Variants in TRIM33 observed in about 807,000 individuals in gnomAD.
The protein encoded by TRIM33 is tripartite motif containing 33, also known as E3 ubiquitin-protein ligase TRIM33.
In TRIM33, 20 loss-of-function variants were observed where a neutral mutation model predicts 125.4. The observed-to-expected ratio is 0.16, with a 90% confidence interval of 0.11 to 0.23. TRIM33 has a LOEUF of 0.23. Ranked by LOEUF, TRIM33 falls within the 10% of genes least tolerant of loss-of-function variation. The pLI, the probability that TRIM33 is intolerant of heterozygous loss-of-function variation, is 1.00. For synonymous variants in TRIM33, 564 were observed against 513.9 expected (o/e 1.10, Z -1.32); for missense variants, 920 against 1,411.4 (o/e 0.65, Z 5.58).
intron 4 of TRIM33, among the ~76,000 whole-genome samples, chr1:114,450,953 C>T (rs1189405058): frequency 2.6e-5 from 4 of 152,038 alleles, no homozygotes; most frequent in African/African-American, 9.7e-5. Context: ...TGCTGGAACT[C>T]GTAATTTTTT....
At chr1:114,490,686 A>G (rs933344263) in intron 1 of TRIM33, 3 of 152,206 alleles carry the variant, frequency 2.0e-5, no homozygotes, top group Admixed American at 6.5e-5. Flanking sequence ...ATAGCCATAA[A>G]AGAGTATATT....
chr1:114,478,156 A>T (rs139239982), intron 1 of TRIM33, among the ~76,000 whole-genome samples: 67 of 152,356 alleles, frequency 4.4e-4, no homozygotes, highest in African/African-American at 1.5e-3. Context: ...TTCAGGTAAA[A>T]GCAATGAAAG....
chr1:114,488,208 CCATA>C (rs1328182587), intron 1 of TRIM33, among the ~76,000 whole-genome samples: 1 of 152,034 alleles, frequency 6.6e-6, no homozygotes. Context: ...CACAAAACCA[CCATA>C]AATAAAGACG....
At chr1:114,413,934 G>T (rs888753872) in intron 11 of TRIM33, among the ~76,000 whole-genome samples, 1 of 151,842 alleles carries the variant, frequency 6.6e-6, no homozygotes, top group Non-Finnish European at 1.5e-5. Flanking sequence ...TACTGGGACA[G>T]AAGGATCCCT....
At position 114,510,799 on chromosome 1, in the gene TRIM33, G is replaced by A. The variant is rs944875359; in HGVS notation, c.278C>T (p.Ala93Val). The A allele has an allele frequency of 2.6e-5, 40 of 1,519,164 alleles. No homozygotes were observed. The highest frequency in any genetic ancestry group is 2.2e-4 in the Middle Eastern group (1 of 4,512). 94.1% of individuals were successfully genotyped at this position (1,519,164 alleles called of 1,614,324 possible). The change falls in exon 1 of 20, where the codon GCA becomes GTA. Residue 93 changes from alanine (A) to valine (V), a missense_variant. Transcript: ENST00000358465. ...TGGAGCTGGAGCCGGCGTCGATACT[G>A]CGCCCCCGGCAACTCCAGTGCCCAC... The part of the protein sequence containing the change: ...ASVGTGVAGG[A>V]VSTPAPAPAS...
intron 1 of TRIM33, among the ~76,000 whole-genome samples, chr1:114,485,671 G>C (rs1402081705): frequency 1.3e-5 from 2 of 152,184 alleles, no homozygotes; most frequent in East Asian, 3.9e-4. Context: ...GGCAGAGAAA[G>C]TCAGCACTCC....
intron 1 of TRIM33, among the ~76,000 whole-genome samples, chr1:114,472,582 T>C (rs1650714405): frequency 6.6e-6 from 1 of 151,894 alleles, no homozygotes; most frequent in Admixed American, 6.6e-5. Flanking sequence ...AAATAAAAAT[T>C]AGCCAGGCAT....
chr1:114,416,174 A>G (rs1652931412), intron 11 of TRIM33, among the ~76,000 whole-genome samples: 1 of 152,180 alleles, frequency 6.6e-6, no homozygotes, highest in Admixed American at 6.5e-5. Flanking sequence ...GTTATGCAGT[A>G]TTGAAGACTT....
rs148084531 is a variant in TRIM33 at position 114,491,125 on chromosome 1, T to C, written c.526+19426A>G. 7.9e-5 allele frequency among the ~76,000 whole-genome samples: 12 copies of C among 152,306 alleles called. No individual in the cohort carries two copies. The East Asian group carries it at 2.1e-3, about 27-fold the overall frequency. On this transcript the variant is annotated intron_variant, in intron 1 of 19. Transcript: ENST00000358465. Reference sequence around the variant, plus strand: ...ACACAACTCAGAATATACTAAAAACTACTGAACCATACACTTCAAATGTGT... The same window carrying C: ...ACACAACTCAGAATATACTAAAAACCACTGAACCATACACTTCAAATGTGT...
chr1:114,439,468 CAAAAAAAAAAAAA>C (rs59231995), intron 4 of TRIM33, among the ~76,000 whole-genome samples: 1 of 45,966 alleles, frequency 2.2e-5, no homozygotes, highest in African/African-American at 8.8e-5. Context: ...GACTCTGTAT[CAAAAAAAAAAAAA>C]AAAAAAAAAA....
At position 114,401,473 on chromosome 1, in the gene TRIM33, A is replaced by C; in HGVS notation, c.2893-10T>G. On this transcript the variant is annotated splice_polypyrimidine_tract_variant and intron_variant, in intron 16 of 19. Transcript: ENST00000358465. Reference sequence around the variant, plus strand: ...GAAGACGTTCACATTTCTGGCCCAAACAAGGAAAGGAAAGCACATGAAATA... The same window carrying C: ...GAAGACGTTCACATTTCTGGCCCAACCAAGGAAAGGAAAGCACATGAAATA... 1 of 1,609,134 alleles carries C rather than the reference A, an allele frequency of 6.2e-7. No individual in the cohort carries two copies. Among genetic ancestry groups the C allele is most frequent in the Non-Finnish European group, 8.5e-7 (1 of 1,176,746 alleles).
At chr1:114,461,627 G>C (rs1231404629) in intron 4 of TRIM33, among the ~76,000 whole-genome samples, 1 of 152,102 alleles carries the variant, frequency 6.6e-6, no homozygotes, top group African/African-American at 2.4e-5. Flanking sequence ...AATGGTAAAA[G>C]AAAGGGAAGG....
chr1:114,504,157 ATTTTTTTAT>A (rs1027182303), intron 1 of TRIM33, among the ~76,000 whole-genome samples: 9 of 150,194 alleles, frequency 6.0e-5, no homozygotes, highest in Admixed American at 3.3e-4. Flanking sequence ...CTTTTTTTTT[ATTTTTTTAT>A]TTTTTTTATT....
chr1:114,424,297 T>C (rs765545787), intron 10 of TRIM33, among the ~76,000 whole-genome samples: 1 of 152,192 alleles, frequency 6.6e-6, no homozygotes, highest in Non-Finnish European at 1.5e-5. Flanking sequence ...CTTTTTGTGA[T>C]TGTGGGTAAA....
intron 4 of TRIM33, among the ~76,000 whole-genome samples, chr1:114,450,982 G>A (rs1040149666): frequency 5.9e-5 from 9 of 151,986 alleles, no homozygotes; most frequent in East Asian, 1.9e-4. Flanking sequence ...ATATTCTTCC[G>A]AGGGTGAAAA....
chr1:114,424,755 G>A lies in TRIM33; in HGVS notation c.1696C>T (p.Pro566Ser). 1.4e-6 allele frequency: 2 copies of A among 1,477,420 alleles called. No individual in the cohort carries two copies. Among genetic ancestry groups the A allele is most frequent in the Non-Finnish European group, 1.8e-6 (2 of 1,110,124 alleles). 91.5% of individuals were successfully genotyped at this position (1,477,420 alleles called of 1,614,324 possible). Residue 566 changes from proline to serine, a missense_variant and splice_region_variant, in exon 10 of 20, where the codon CCT becomes TCT. By Grantham distance (74) the Pro-to-Ser change is moderately conservative (BLOSUM62 -1). Transcript: ENST00000358465. ...GTTTGCACACTGATCAATCGAGGAG[G>A]CTACAAAAAGTAGAAATTGCAATTT... ...QAAPQMLQQQ[P>S]PRLISVQTMQ...
intron 17 of TRIM33, 116 bp from the exon 18 acceptor site, chr1:114,399,725 G>T: frequency 1.2e-6 from 1 of 869,088 alleles, no homozygotes; most frequent in South Asian, 1.8e-5. Flanking sequence ...CCAGCTGCTT[G>T]CAAATTTTGA....
intron 1 of TRIM33, among the ~76,000 whole-genome samples, chr1:114,502,784 G>C (rs1223030470): frequency 1.3e-5 from 2 of 152,116 alleles, no homozygotes; most frequent in African/African-American, 4.8e-5. Context: ...TGGGATTATA[G>C]GCATGAGCCA....
intron 4 of TRIM33, among the ~76,000 whole-genome samples, chr1:114,460,796 C>A (rs1649931929): frequency 1.3e-5 from 2 of 152,024 alleles, no homozygotes; most frequent in Non-Finnish European, 1.5e-5. Context: ...CTCTATAAAA[C>A]CAAGCTCCTC....
Sources: allele counts gnomAD v4.1 joint callset (sites outside exome capture counted in the v4.1 genomes callset), GRCh38; gene constraint gnomAD v4.1.1; transcripts MANE v1.5; gene names NCBI Gene and HGNC (gene_info 2026-07-23, HGNC 2026-07-21).